The following ADCY5 variants were observed in gnomAD, a reference collection of about 807,000 sequenced individuals.
ADCY5 encodes the protein adenylate cyclase 5, also known as adenylate cyclase type 5.
In ADCY5, 30 loss-of-function variants were observed where a neutral mutation model predicts 119.7. That is an observed-to-expected ratio of 0.25 (90% CI 0.19 to 0.34). The LOEUF (loss-of-function observed/expected upper bound fraction) is 0.34, where lower values mean the gene tolerates loss of function less well. ADCY5 is among the 10% of genes least tolerant of loss of function. ADCY5 has a pLI of 1.00. For synonymous variants in ADCY5, 753 were observed against 762.2 expected, an observed-to-expected ratio of 0.99 and a Z score of 0.20; for missense variants, 1,324 against 1,775.2, an observed-to-expected ratio of 0.75 and a Z score of 4.57.
chr3:123,417,507 G>A (rs546018193), intron 1 of ADCY5, among the ~76,000 whole-genome samples: 44 of 152,388 alleles, frequency 2.9e-4, no homozygotes, highest in African/African-American at 1.0e-3. Flanking sequence ...GCCAGTCATT[G>A]TCCTTCTCTC....
intron 1 of ADCY5, among the ~76,000 whole-genome samples, chr3:123,417,766 T>C (rs1318166753): frequency 2.0e-5 from 3 of 151,974 alleles, no homozygotes; most frequent in African/African-American, 7.2e-5. Flanking sequence ...GCCTCCATTT[T>C]TTCCTCTGAA....
intron 12 of ADCY5, among the ~76,000 whole-genome samples, chr3:123,310,121 C>CACAG (rs1940470336): frequency 6.7e-6 from 1 of 150,000 alleles, no homozygotes; most frequent in African/African-American, 2.5e-5. Flanking sequence ...CACACACACA[C>CACAG]ACACACACAC....
At chr3:123,442,206 T>A (rs997366894) in intron 1 of ADCY5, among the ~76,000 whole-genome samples, 7 of 152,170 alleles carry the variant, frequency 4.6e-5, no homozygotes, top group Non-Finnish European at 5.9e-5. Flanking sequence ...GCTACACTCC[T>A]GGGAAACACA....
Position 123,300,314 on chromosome 3 carries a change from A to G in ADCY5, c.2725-19T>C. The G allele has an allele frequency of 6.2e-7, 1 of 1,611,744 alleles. No individual in the cohort carries two copies. Among genetic ancestry groups the G allele is most frequent in the Admixed American group, 1.7e-5 (1 of 59,940 alleles). Reference sequence around the variant, plus strand: ...TGAAGTACTGCGGGCAGAGGGCAGCAGCATCAGCTCCCCAGGCCCTGCCCG... The same window carrying G: ...TGAAGTACTGCGGGCAGAGGGCAGCGGCATCAGCTCCCCAGGCCCTGCCCG... On this transcript the variant is annotated intron_variant, in intron 14 of 20. Coordinates refer to ENST00000462833, the MANE Select transcript of ADCY5 (RefSeq NM_183357.3).
chr3:123,379,482 A>G (rs892710229), intron 1 of ADCY5, among the ~76,000 whole-genome samples: 1 of 152,176 alleles, frequency 6.6e-6, no homozygotes, highest in African/African-American at 2.4e-5. Context: ...CTGGGGGAGG[A>G]AAGCCTCATG....
intron 1 of ADCY5, among the ~76,000 whole-genome samples, chr3:123,431,015 CCACACATGCTAACAACAAA>C (rs1210835966): frequency 1.3e-5 from 2 of 152,190 alleles, no homozygotes; most frequent in Non-Finnish European, 1.5e-5. Flanking sequence ...CTAGTCTTGG[CCACACATGCTAACAACAAA>C]CGCATATGGG....
chr3:123,337,174 T>G (rs1942064203), intron 3 of ADCY5, among the ~76,000 whole-genome samples: 1 of 152,246 alleles, frequency 6.6e-6, no homozygotes. Context: ...TGTTGTTTAT[T>G]ATTATGCTCC....
rs774129699 is a variant in ADCY5, at chr3:123,300,315, G to A, written c.2725-20C>T. The A allele has an allele frequency of 1.2e-6, 2 of 1,611,366 alleles. No homozygotes were observed. The highest frequency in any genetic ancestry group is 1.7e-5 in the Admixed American group (1 of 59,900). ...GAAGTACTGCGGGCAGAGGGCAGCA[G>A]CATCAGCTCCCCAGGCCCTGCCCGA... On this transcript the variant is annotated intron_variant, in intron 14 of 20. Coordinates refer to ENST00000462833, the MANE Select transcript of ADCY5 (RefSeq NM_183357.3).
At chr3:123,326,534 C>A (rs1941493728) in intron 7 of ADCY5, among the ~76,000 whole-genome samples, 2 of 152,232 alleles carry the variant, frequency 1.3e-5, no homozygotes, top group South Asian at 2.1e-4. Flanking sequence ...GGGCAGGAAG[C>A]TGCGGGAGGC....
chr3:123,426,284 TTTC>T (rs1009310629), intron 1 of ADCY5, among the ~76,000 whole-genome samples: 1 of 130,496 alleles, frequency 7.7e-6, no homozygotes, highest in Admixed American at 8.4e-5. Flanking sequence ...TTTTTTTCTT[TTTC>T]TTTTCTTTTG....
chr3:123,441,879 AT>A (rs1288895212), intron 1 of ADCY5, among the ~76,000 whole-genome samples: 1 of 151,664 alleles, frequency 6.6e-6, no homozygotes, highest in Non-Finnish European at 1.5e-5. Context: ...GCGGGCTCAC[AT>A]TAAGCTCACT....
At chr3:123,412,951 T>A (rs746180476) in intron 1 of ADCY5, among the ~76,000 whole-genome samples, 1 of 152,200 alleles carries the variant, frequency 6.6e-6, no homozygotes, top group South Asian at 2.1e-4. Flanking sequence ...CACAGCCTGA[T>A]AGAGCAGGCG....
chr3:123,303,300 G>T (rs909732566), intron 13 of ADCY5, 81 bp from the exon 14 acceptor site: 1 of 1,441,068 alleles, frequency 6.9e-7, no homozygotes, highest in Admixed American at 1.9e-5. Flanking sequence ...CAGGCCGCAG[G>T]CTCCCGCCTG....
chr3:123,431,104 T>C (rs1945513725), intron 1 of ADCY5, among the ~76,000 whole-genome samples: 1 of 152,226 alleles, frequency 6.6e-6, no homozygotes, highest in South Asian at 2.1e-4. Flanking sequence ...GAAAAAGTAC[T>C]AGTGCCGGAC....
At position 123,423,746 on chromosome 3, in the gene ADCY5, A is replaced by G. The variant is rs139128230; in HGVS notation, c.1134+23666T>C. Among the ~76,000 whole-genome samples the G allele has an allele frequency of 7.4e-3, 1,131 of 152,280 alleles. 15 individuals carry two copies. The highest frequency in any genetic ancestry group is 0.026 in the African/African-American group (1,078 of 41,556). On this transcript the variant is annotated intron_variant, in intron 1 of 20. Coordinates refer to ENST00000462833, the MANE Select transcript of ADCY5 (RefSeq NM_183357.3). ...AGTAAGAATCCAGTCCCAGGAGCACACTGTCTTCCTGAGGCCAAGAAGGGT... is the reference window on the plus strand; with the variant it reads ...AGTAAGAATCCAGTCCCAGGAGCACGCTGTCTTCCTGAGGCCAAGAAGGGT...
chr3:123,383,173 G>A (rs529230403), intron 1 of ADCY5, among the ~76,000 whole-genome samples: 5 of 152,160 alleles, frequency 3.3e-5, no homozygotes, highest in African/African-American at 1.2e-4. Flanking sequence ...GGACACACAC[G>A]TAAACAGGAA....
chr3:123,301,797 G>C (rs1350634279), intron 14 of ADCY5, among the ~76,000 whole-genome samples: 1 of 152,244 alleles, frequency 6.6e-6, no homozygotes, highest in Non-Finnish European at 1.5e-5. Context: ...GCTCCTGTGG[G>C]CTCTCAGCCA....
intron 1 of ADCY5, among the ~76,000 whole-genome samples, chr3:123,361,257 G>C (rs1196959407): frequency 2.0e-5 from 3 of 152,170 alleles, no homozygotes; most frequent in Admixed American, 6.5e-5. Flanking sequence ...GGCTATGGGT[G>C]AGAAAGGCCC....
chr3:123,340,909 G>C (rs1193218367), intron 3 of ADCY5, among the ~76,000 whole-genome samples: 2 of 152,108 alleles, frequency 1.3e-5, no homozygotes, highest in Non-Finnish European at 2.9e-5. Flanking sequence ...CGGATCACCT[G>C]AGGTCAGGAG....
Sources: gnomAD v4.1 joint callset for allele counts (sites outside exome capture counted in the v4.1 genomes callset) on GRCh38, gnomAD v4.1.1 for gene constraint, MANE v1.5 for transcripts, NCBI Gene and HGNC (gene_info 2026-07-23, HGNC 2026-07-21) for gene names.